The following ZBTB47 variants were observed in gnomAD, a reference collection of about 807,000 sequenced individuals.
ZBTB47 encodes the protein zinc finger and BTB domain containing 47.
Under a neutral mutation model 56.6 loss-of-function variants are expected in ZBTB47, and 24 were observed. The observed-to-expected ratio is 0.42, with a 90% CI of 0.31 to 0.60. The LOEUF (loss-of-function observed/expected upper bound fraction) is 0.60. Among genes scored for constraint, ZBTB47 ranks in the 20% least tolerant of loss-of-function variants. ZBTB47 has a pLI of 0.14. For synonymous variants in ZBTB47, 414 were observed against 418.9 expected (o/e 0.99, Z 0.14); for missense variants, 829 against 1,032.6 (o/e 0.80, Z 2.70).
intron 2 of ZBTB47, among the ~76,000 whole-genome samples, 175 bp downstream of exon 2, chr3:42,660,003 G>A (rs1273161205): frequency 6.6e-6 from 1 of 152,246 alleles, no homozygotes; most frequent in Non-Finnish European, 1.5e-5. Context: ...TTAGAGCTCA[G>A]GGGTAACATC....
At position 42,663,584 on chromosome 3, in the gene ZBTB47, C is replaced by G. The variant is rs1007802581; in HGVS notation, c.1738-213C>G. Among the ~76,000 whole-genome samples, 2 of 152,116 alleles carry G rather than the reference C, an allele frequency of 1.3e-5. No homozygotes were observed. The highest frequency in any genetic ancestry group is 4.8e-5 in the African/African-American group (2 of 41,392). ...TTTTCCCACTTCCGACCCCCATTCCCCACCTAAGCCTTGGGTGCTTGTGGC... is the reference window on the plus strand; with the variant it reads ...TTTTCCCACTTCCGACCCCCATTCCGCACCTAAGCCTTGGGTGCTTGTGGC... On this transcript the variant is annotated intron_variant, in intron 4 of 5. Transcript: ENST00000232974. The surrounding 1 kb of genome is among the most constrained non-coding windows in gnomAD (Gnocchi z 5.1).
chr3:42,655,507 C>T (rs1485176509), intron 1 of ZBTB47, among the ~76,000 whole-genome samples: 1 of 152,208 alleles, frequency 6.6e-6, no homozygotes, highest in African/African-American at 2.4e-5. Context: ...TGACTTGGGG[C>T]AAGGGTTTGA....
At chr3:42,653,363 G>C (rs1157549458), upstream of ZBTB47, among the ~76,000 whole-genome samples, 2 of 152,218 alleles carry the variant, frequency 1.3e-5, no homozygotes, top group African/African-American at 4.8e-5. Context: ...ACATGGACTT[G>C]TATGTAAACA....
chr3:42,653,658 C>G (rs1259344521), upstream of ZBTB47: 1 of 152,490 alleles, frequency 6.6e-6, no homozygotes, highest in Admixed American at 6.5e-5. Flanking sequence ...TTCCGCAAGC[C>G]TGGCTGCATC....
rs1710644582 is a variant in ZBTB47, at chr3:42,656,670, C to T, written c.-81-1605C>T. Among the ~76,000 whole-genome samples the T allele has an allele frequency of 6.6e-6, 1 of 151,980 alleles. No homozygotes were observed. Among genetic ancestry groups the T allele is most frequent in the Non-Finnish European group, 1.5e-5 (1 of 67,980 alleles). On this transcript the variant is annotated intron_variant, in intron 1 of 5. Coordinates refer to ENST00000232974, the MANE Select transcript of ZBTB47 (RefSeq NM_145166.4). This position sits in a 1 kb window ranked among gnomAD's most constrained non-coding sequence, Gnocchi z 5.8. ...TGCCCTGGCTGCTGGGTGTAGGGGGCAGGGTCCAGGGCAGGCCTGGAGACA... is the reference window on the plus strand; with the variant it reads ...TGCCCTGGCTGCTGGGTGTAGGGGGTAGGGTCCAGGGCAGGCCTGGAGACA...
At position 42,663,348 on chromosome 3, in the gene ZBTB47, C is replaced by A. The variant is rs966110128; in HGVS notation, c.1737+221C>A. Reference sequence around the variant, plus strand: ...TCCTGCCCTTCCTTCCCCAACCCAGCCCCACACACTCAGGGTGGGAAGTGT... The same window carrying A: ...TCCTGCCCTTCCTTCCCCAACCCAGACCCACACACTCAGGGTGGGAAGTGT... On this transcript the variant is annotated intron_variant, in intron 4 of 5. Coordinates refer to ENST00000232974, the MANE Select transcript of ZBTB47 (RefSeq NM_145166.4). The surrounding 1 kb of genome is among the most constrained non-coding windows in gnomAD (Gnocchi z 5.1). Among the ~76,000 whole-genome samples, 1 of 152,134 alleles carries A rather than the reference C, an allele frequency of 6.6e-6. No individual in the cohort carries two copies. The highest frequency in any genetic ancestry group is 2.4e-5 in the African/African-American group (1 of 41,424).
rs1193549190 is a variant in ZBTB47, at chr3:42,666,569, T to C, written c.*1971T>C. On this transcript the variant is annotated 3_prime_UTR_variant, in exon 6 of 6. Transcript: ENST00000232974. Reference sequence around the variant, plus strand: ...AAAGTTGATCTCTCCCAGTGGGCTGTAGGCAGGGTCCTCCATGGGTTTCCA... The same window carrying C: ...AAAGTTGATCTCTCCCAGTGGGCTGCAGGCAGGGTCCTCCATGGGTTTCCA... Among the ~76,000 whole-genome samples the C allele has an allele frequency of 1.3e-5, 2 of 152,186 alleles. No homozygotes were observed. Among genetic ancestry groups the C allele is most frequent in the African/African-American group, 2.4e-5 (1 of 41,450 alleles).
At position 42,664,843 on chromosome 3, in the gene ZBTB47, CT is replaced by C. The variant is rs11458566; in HGVS notation, c.*259del. 0.016 allele frequency: 4,729 copies of C among 297,758 alleles called. 1 individual carries two copies. The highest frequency in any genetic ancestry group is 0.035 in the East Asian group (667 of 19,236). 18.4% of individuals were successfully genotyped at this position (297,758 alleles called of 1,614,324 possible). A position where few individuals can be genotyped will look rare whatever the true frequency, so the allele number is the denominator to read the frequency against. On this transcript the variant is annotated 3_prime_UTR_variant, in exon 6 of 6. Transcript: ENST00000232974. ...TTTCTGTGACTCCTTGAAGCCTTTA[CT>C]TTTTTTTTTTTTTGGAAGTGAAGGA...
At chr3:42,661,708 T>C (rs1480208613) in intron 3 of ZBTB47, 76 bp downstream of exon 3, 50 of 1,572,206 alleles carry the variant, frequency 3.2e-5, no homozygotes, top group Non-Finnish European at 4.2e-5. Flanking sequence ...GGGAAAGACT[T>C]CACATCCAAG....
In ZBTB47 at chr3:42,658,933, A is replaced by G; in HGVS notation, c.578A>G (p.Lys193Arg). Residue 193 changes from lysine to arginine, a missense_variant, in exon 2 of 6, where the codon AAG becomes AGG. Transcript: ENST00000232974. ...GPAQPFFKEE[K>R]EGGVEEAGGP... ...GCCCAGCCCTTCTTTAAGGAGGAGA[A>G]GGAGGGTGGTGTCGAGGAGGCCGGT... is the stretch of plus-strand genomic sequence containing the variant. 6.7e-7 allele frequency: 1 copy of G among 1,499,586 alleles called. No individual in the cohort carries two copies. The highest frequency in any genetic ancestry group is 8.9e-7 in the Non-Finnish European group (1 of 1,128,876). The allele number at this position is 1,499,586 out of a possible 1,614,324, so 92.9% of individuals were successfully genotyped here. A position where few individuals can be genotyped will look rare whatever the true frequency, so the allele number is the denominator to read the frequency against.
chr3:42,664,295 G>A lies in ZBTB47; in HGVS notation c.1941G>A (p.Met647Ile). ...AGAGCTTCACCAGCCGGCCCAACAT[G>A]AAGCGGCACCGGCGCACGCACACGG... Reference protein sequence around the residue: ...CGKSFTSRPNMKRHRRTHTGE... With the variant: ...CGKSFTSRPNIKRHRRTHTGE... The change falls in exon 6 of 6, where the codon ATG becomes ATA. Residue 647 changes from methionine to isoleucine, a missense_variant. Physicochemically the swap from Met to Ile is conservative, Grantham distance 10. This residue lies in a region of ZBTB47 where 44 missense variants were observed against 76.7 expected (regional missense o/e 0.57). Coordinates refer to ENST00000232974, the MANE Select transcript of ZBTB47 (RefSeq NM_145166.4). 1 of 1,613,612 alleles carries A rather than the reference G, an allele frequency of 6.2e-7. No individual in the cohort carries two copies. Among genetic ancestry groups the A allele is most frequent in the Non-Finnish European group, 8.5e-7 (1 of 1,179,836 alleles).
At position 42,656,677 on chromosome 3, in the gene ZBTB47, C is replaced by T. The variant is rs1213098237; in HGVS notation, c.-81-1598C>T. Among the ~76,000 whole-genome samples the T allele has an allele frequency of 6.6e-6, 1 of 152,034 alleles. No homozygotes were observed. The highest frequency in any genetic ancestry group is 1.5e-5 in the Non-Finnish European group (1 of 67,974). ...GCTGCTGGGTGTAGGGGGCAGGGTC[C>T]AGGGCAGGCCTGGAGACAGGTGGCC... On this transcript the variant is annotated intron_variant, in intron 1 of 5. Transcript: ENST00000232974. The surrounding 1 kb of genome is among the most constrained non-coding windows in gnomAD (Gnocchi z 5.8).
Position 42,659,544 on chromosome 3 carries a change from G to GGGC in ZBTB47, c.1195_1197dup (p.Arg399dup). 1 of 1,573,350 alleles carries GGGC rather than the reference G, an allele frequency of 6.4e-7. No individual in the cohort carries two copies. The highest frequency in any genetic ancestry group is 8.6e-7 in the Non-Finnish European group (1 of 1,160,496). ...GGGTACCCCTGAACCTGAAGAAGCT[G>GGGC]GGCGGCGGGGTGGGAAGAGGCCAAA... On this transcript the variant is annotated inframe_insertion, in exon 2 of 6. Transcript: ENST00000232974.
At chr3:42,662,974 G>A in intron 3 of ZBTB47, 38 bp from the exon 4 acceptor site, 1 of 1,512,860 alleles carries the variant, frequency 6.6e-7, no homozygotes, top group Non-Finnish European at 9.2e-7. Flanking sequence ...GCTTGGGCAG[G>A]CCCGTAAAAC....
rs770074369 is a variant in ZBTB47, at chr3:42,664,241, G to A, written c.1887G>A (p.Glu629=). The A allele has an allele frequency of 8.1e-6, 13 of 1,613,408 alleles. No homozygotes were observed. Among genetic ancestry groups the A allele is most frequent in the Non-Finnish European group, 1.1e-5 (13 of 1,179,750 alleles). ...CTGCCCACCCCCAACCCCCAGGAGA[G>A]AAGCCGTACATCTGCGAGATCTGTG... ...FDEHMKTHTG[E]KPYICEICGK... Residue 629 remains glutamate, a synonymous_variant, in exon 6 of 6, where the codon GAG becomes GAA. Transcript: ENST00000232974.
At chr3:42,664,081 G>A (rs906078073) in intron 5 of ZBTB47, 140 bp downstream of exon 5, 11 of 1,469,060 alleles carry the variant, frequency 7.5e-6, no homozygotes, top group Non-Finnish European at 1.0e-5. Context: ...GCCTCCCAGG[G>A]TTGGGTGAGG....
chr3:42,663,741 A>T lies in ZBTB47; in HGVS notation c.1738-56A>T, dbSNP rs1023621383. The T allele has an allele frequency of 5.8e-5, 92 of 1,595,422 alleles. No homozygotes were observed. The highest frequency in any genetic ancestry group is 7.6e-5 in the Non-Finnish European group (89 of 1,166,544). Reference sequence around the variant, plus strand: ...TGGCCACAGGGGAGCTGTTCCCTCCACAAAGGCTGCTCTTCTGCTCTGTGC... The same window carrying T: ...TGGCCACAGGGGAGCTGTTCCCTCCTCAAAGGCTGCTCTTCTGCTCTGTGC... On this transcript the variant is annotated intron_variant, in intron 4 of 5. Coordinates refer to ENST00000232974, the MANE Select transcript of ZBTB47 (RefSeq NM_145166.4). This position sits in a 1 kb window ranked among gnomAD's most constrained non-coding sequence, Gnocchi z 5.1.
rs551739468 is a variant in ZBTB47 at position 42,658,307 on chromosome 3, G to A, written c.-49G>A. The A allele has an allele frequency of 1.2e-5, 18 of 1,488,502 alleles. No individual in the cohort carries two copies. Among genetic ancestry groups the A allele is most frequent in the Non-Finnish European group, 1.5e-5 (17 of 1,122,146 alleles). 92.2% of individuals were successfully genotyped at this position (1,488,502 alleles called of 1,614,324 possible). On this transcript the variant is annotated 5_prime_UTR_variant, in exon 2 of 6. Transcript: ENST00000232974. ...TTGAGAAGACAACTGACTCCCCGGCGGCTGAGTTCTCGCTGGTGGAGGACG... is the reference window on the plus strand; with the variant it reads ...TTGAGAAGACAACTGACTCCCCGGCAGCTGAGTTCTCGCTGGTGGAGGACG...
chr3:42,663,231 A>G lies in ZBTB47; in HGVS notation c.1737+104A>G, dbSNP rs560021824. ...AACAAAGGGCTAGGGGGTGGAATGT[A>G]GTGTCCAGAAAGAGAGAGCCCTGCC... On this transcript the variant is annotated intron_variant, in intron 4 of 5. Coordinates refer to ENST00000232974, the MANE Select transcript of ZBTB47 (RefSeq NM_145166.4). The surrounding 1 kb of genome is among the most constrained non-coding windows in gnomAD (Gnocchi z 5.1). 55 of 848,678 alleles carry G rather than the reference A, an allele frequency of 6.5e-5. No individual in the cohort carries two copies. In the East Asian group the frequency reaches 1.4e-3, roughly 21 times the overall value. 52.6% of individuals were successfully genotyped at this position (848,678 alleles called of 1,614,324 possible). A position where few individuals can be genotyped will look rare whatever the true frequency, so the allele number is the denominator to read the frequency against.
Sources: allele counts gnomAD v4.1 joint callset (sites outside exome capture counted in the v4.1 genomes callset), GRCh38; gene constraint gnomAD v4.1.1; regional missense constraint gnomAD v4.1.1; non-coding constraint Gnocchi (gnomAD v3.1); transcripts MANE v1.5; gene names NCBI Gene and HGNC (gene_info 2026-07-23, HGNC 2026-07-21).